Variants in CAMTA1 observed in about 807,000 individuals in gnomAD.
CAMTA1 encodes the protein calmodulin-binding transcription activator 1.
A neutral mutation model predicts 170.9 loss-of-function variants in CAMTA1; 27 were observed. The observed-to-expected ratio is 0.16, with a 90% CI of 0.12 to 0.22. CAMTA1 has a LOEUF of 0.22. CAMTA1 is among the 10% of genes least tolerant of loss of function. The pLI, the probability that CAMTA1 is intolerant of heterozygous loss-of-function variation, is 1.00. For missense variants in CAMTA1, 1,619 were observed against 2,217.2 expected, an observed-to-expected ratio of 0.73 and a Z score of 5.42; for synonymous variants, 833 against 891.5, an observed-to-expected ratio of 0.93 and a Z score of 1.17.
intron 3 of CAMTA1, chr1:6,888,119 G>A (rs1673717706): frequency 1.0e-6 from 1 of 977,424 alleles, no homozygotes; most frequent in Non-Finnish European, 1.2e-6. Flanking sequence ...TGAGAGCAGG[G>A]CCTTTGTCTT....
intron 5 of CAMTA1, among the ~76,000 whole-genome samples, chr1:7,411,364 C>G (rs2090728985): frequency 6.6e-6 from 1 of 152,018 alleles, no homozygotes; most frequent in African/African-American, 2.4e-5. Context: ...ATGGTGAAAC[C>G]CCATGTCTAC....
chr1:7,426,008 C>T lies in CAMTA1; in HGVS notation c.439-41822C>T, dbSNP rs181901749. Among the ~76,000 whole-genome samples, 3 of 152,232 alleles carry T rather than the reference C, an allele frequency of 2.0e-5. No homozygotes were observed. In the East Asian group the frequency reaches 5.8e-4, roughly 29 times the overall value. Reference sequence around the variant, plus strand: ...GTGCTGAGAAAAGAGGCTGCAGTGACTGGCACTACACATGCTTGAGATCAC... The same window carrying T: ...GTGCTGAGAAAAGAGGCTGCAGTGATTGGCACTACACATGCTTGAGATCAC... On this transcript the variant is annotated intron_variant, in intron 5 of 22. Coordinates refer to ENST00000303635, the MANE Select transcript of CAMTA1 (RefSeq NM_015215.4). The surrounding 1 kb of genome is among the most constrained non-coding windows in gnomAD (Gnocchi z 4.8).
intron 1 of CAMTA1, among the ~76,000 whole-genome samples, chr1:6,803,708 TTTTTTAAATTATTTTATTTC>T (rs1202698788): frequency 2.0e-5 from 3 of 152,188 alleles, no homozygotes; most frequent in Admixed American, 2.0e-4. Flanking sequence ...GATTTGGTTC[TTTTTTAAATTATTTTATTTC>T]TTTTTAAAGA....
chr1:7,529,238 G>A (rs1348412442), intron 6 of CAMTA1, among the ~76,000 whole-genome samples: 1 of 152,176 alleles, frequency 6.6e-6, no homozygotes, highest in Admixed American at 6.5e-5. Context: ...GGGCAGAGAT[G>A]GGCATGGGGC....
intron 4 of CAMTA1, among the ~76,000 whole-genome samples, chr1:7,158,146 G>A (rs1207288850): frequency 2.6e-5 from 4 of 152,074 alleles, no homozygotes; most frequent in Admixed American, 6.5e-5. Context: ...GTGACAGAGC[G>A]AGACTCTGTC....
At chr1:6,948,650 A>G (rs892689816) in intron 3 of CAMTA1, among the ~76,000 whole-genome samples, 1 of 152,174 alleles carries the variant, frequency 6.6e-6, no homozygotes, top group African/African-American at 2.4e-5. Flanking sequence ...GTTAGACACT[A>G]TGCTGGACAG....
chr1:6,832,486 T>C (rs1650740127), intron 3 of CAMTA1, among the ~76,000 whole-genome samples: 2 of 152,214 alleles, frequency 1.3e-5, no homozygotes, highest in South Asian at 4.1e-4. Flanking sequence ...GTGTTAGGTT[T>C]AGGGCTGTAA....
chr1:7,349,831 ACAGTCC>A (rs1263506451), intron 5 of CAMTA1, among the ~76,000 whole-genome samples: 40 of 152,302 alleles, frequency 2.6e-4, no homozygotes, highest in East Asian at 3.9e-4. Context: ...TCACTCCATA[ACAGTCC>A]TGAAGCAAGA....
chr1:7,210,612 C>T (rs1216670713), intron 4 of CAMTA1, among the ~76,000 whole-genome samples: 1 of 152,048 alleles, frequency 6.6e-6, no homozygotes, highest in Non-Finnish European at 1.5e-5. Flanking sequence ...AACTTTTACC[C>T]CTTGATTTAG....
In CAMTA1 at chr1:7,748,603, C is replaced by T. The variant is rs1269988205; in HGVS notation, c.4689+822C>T. On this transcript the variant is annotated intron_variant, in intron 19 of 22. Coordinates refer to ENST00000303635, the MANE Select transcript of CAMTA1 (RefSeq NM_015215.4). The surrounding 1 kb of genome is among the most constrained non-coding windows in gnomAD (Gnocchi z 4.7). ...CTGTAGGGAATCCAGGGTGTGATACCGTGATTGGAGAAAGTAAATGCTGGC... is the reference window on the plus strand; with the variant it reads ...CTGTAGGGAATCCAGGGTGTGATACTGTGATTGGAGAAAGTAAATGCTGGC... Among the ~76,000 whole-genome samples the T allele has an allele frequency of 1.3e-5, 2 of 152,114 alleles. No individual in the cohort carries two copies. Among genetic ancestry groups the T allele is most frequent in the African/African-American group, 4.8e-5 (2 of 41,424 alleles).
intron 3 of CAMTA1, among the ~76,000 whole-genome samples, chr1:6,977,345 T>A (rs75304014): frequency 7.9e-5 from 12 of 151,836 alleles, no homozygotes; most frequent in Middle Eastern, 3.4e-3. Context: ...TTTTTTTTTT[T>A]AATTTGAGAA....
At chr1:7,624,042 A>G (rs565041779) in intron 6 of CAMTA1, among the ~76,000 whole-genome samples, 1 of 152,360 alleles carries the variant, frequency 6.6e-6, no homozygotes, top group African/African-American at 2.4e-5. Flanking sequence ...TTCACACTTC[A>G]CAAATGCTTT....
At chr1:7,705,917 G>A (rs1045623837) in intron 11 of CAMTA1, among the ~76,000 whole-genome samples, 1 of 152,152 alleles carries the variant, frequency 6.6e-6, no homozygotes, top group South Asian at 2.1e-4. Context: ...ATAGATGCTC[G>A]GGGTGGCCCT....
chr1:7,355,277 G>A (rs1036496414), intron 5 of CAMTA1, among the ~76,000 whole-genome samples: 5 of 87,752 alleles, frequency 5.7e-5, no homozygotes, highest in Admixed American at 1.4e-4. Flanking sequence ...CCAGCTACTC[G>A]GGAGGCTGAG....
chr1:7,272,590 T>C (rs1669960722), intron 5 of CAMTA1, among the ~76,000 whole-genome samples: 1 of 150,050 alleles, frequency 6.7e-6, no homozygotes, highest in Admixed American at 6.7e-5. Context: ...GAGTAAGTCT[T>C]AGCATTTATG....
At chr1:7,708,202 A>G (rs879334809) in intron 11 of CAMTA1, among the ~76,000 whole-genome samples, 1 of 152,062 alleles carries the variant, frequency 6.6e-6, no homozygotes, top group Admixed American at 6.6e-5. Context: ...GTGGCGTTGC[A>G]TGCCTACAGT....
rs114333112 is a variant in CAMTA1, at chr1:7,507,423, A to G, written c.510+39522A>G. 6.4e-3 allele frequency among the ~76,000 whole-genome samples: 972 copies of G among 152,202 alleles called. 12 individuals carry two copies. Among genetic ancestry groups the G allele is most frequent in the African/African-American group, 0.022 (905 of 41,522 alleles). On this transcript the variant is annotated intron_variant, in intron 6 of 22. Transcript: ENST00000303635. Reference sequence around the variant, plus strand: ...GGGCACACGCCTGGCACGGGGGTCTATCGGAGCTGTTTACTCCCCCAAGCA... The same window carrying G: ...GGGCACACGCCTGGCACGGGGGTCTGTCGGAGCTGTTTACTCCCCCAAGCA...
At chr1:6,940,019 G>T (rs1001506747) in intron 3 of CAMTA1, among the ~76,000 whole-genome samples, 7 of 152,270 alleles carry the variant, frequency 4.6e-5, no homozygotes, top group Admixed American at 2.0e-4. Flanking sequence ...GTGGCCACAT[G>T]GCCAATGCCA....
intron 6 of CAMTA1, among the ~76,000 whole-genome samples, chr1:7,475,901 C>T (rs1332733956): frequency 2.0e-5 from 3 of 152,222 alleles, no homozygotes; most frequent in Non-Finnish European, 2.9e-5. Flanking sequence ...CAGGCCACAG[C>T]GGCCAGGCCC....
Sources: gnomAD v4.1 joint callset for allele counts (sites outside exome capture counted in the v4.1 genomes callset) on GRCh38, gnomAD v4.1.1 for gene constraint, Gnocchi (gnomAD v3.1) non-coding constraint, MANE v1.5 for transcripts, NCBI Gene and HGNC (gene_info 2026-07-23, HGNC 2026-07-21) for gene names.